Variants in FGF14 observed in about 807,000 individuals in gnomAD.
FGF14 encodes the protein fibroblast growth factor homologous factor 4.
FGF14 carries 5 observed loss-of-function variants against 25.5 expected under a neutral mutation model. The ratio of observed to expected loss-of-function variants is 0.20; its 90% confidence interval spans 0.10 to 0.41. The LOEUF (loss-of-function observed/expected upper bound fraction) is 0.41. FGF14 is among the 10% of genes least tolerant of loss of function. The pLI is 1.00. For missense variants in FGF14, 222 were observed against 320.1 expected, an observed-to-expected ratio of 0.69 and a Z score of 2.34; for synonymous variants, 138 against 118.3, an observed-to-expected ratio of 1.17 and a Z score of -1.08.
At chr13:102,032,083 T>C (rs1383355332) in intron 1 of FGF14, among the ~76,000 whole-genome samples, 1 of 152,156 alleles carries the variant, frequency 6.6e-6, no homozygotes, top group East Asian at 1.9e-4. Flanking sequence ...ATGAAGATAC[T>C]GATGACTGAC....
At chr13:101,907,744 A>G (rs1382182606) in intron 1 of FGF14, among the ~76,000 whole-genome samples, 1 of 152,148 alleles carries the variant, frequency 6.6e-6, no homozygotes, top group Non-Finnish European at 1.5e-5. Flanking sequence ...AGATGTTCTA[A>G]ATATTAGAGC....
chr13:102,130,371 C>T (rs1405039667), intron 1 of FGF14, among the ~76,000 whole-genome samples: 5 of 152,078 alleles, frequency 3.3e-5, no homozygotes, highest in Non-Finnish European at 7.4e-5. Flanking sequence ...TGGCTGGTGG[C>T]CCCTCCTCCA....
At chr13:102,169,193 C>T (rs962548364) in intron 1 of FGF14, among the ~76,000 whole-genome samples, 5 of 151,652 alleles carry the variant, frequency 3.3e-5, no homozygotes, top group Admixed American at 2.0e-4. Flanking sequence ...TTTATAGGCT[C>T]GGCTTTTCAC....
chr13:101,937,206 A>G (rs1188716354), intron 1 of FGF14, among the ~76,000 whole-genome samples: 2 of 152,238 alleles, frequency 1.3e-5, no homozygotes. Flanking sequence ...AATAATGAAC[A>G]TATCAGAATA....
intron 1 of FGF14, among the ~76,000 whole-genome samples, chr13:102,269,854 A>C (rs535988162): frequency 1.6e-4 from 24 of 152,282 alleles, no homozygotes; most frequent in African/African-American, 5.8e-4. Context: ...AAAAAAAATC[A>C]GAAACTAGTG....
At chr13:102,213,629 A>T (rs1314174253) in intron 1 of FGF14, among the ~76,000 whole-genome samples, 3 of 152,190 alleles carry the variant, frequency 2.0e-5, no homozygotes, top group Non-Finnish European at 2.9e-5. Flanking sequence ...GTTAACGAAA[A>T]AAGCAATAAA....
At chr13:101,847,982 G>A (rs1038277958) in intron 3 of FGF14, among the ~76,000 whole-genome samples, 1 of 151,998 alleles carries the variant, frequency 6.6e-6, no homozygotes. Context: ...AATGTGGTAG[G>A]AAAGCAGGTC....
intron 1 of FGF14, among the ~76,000 whole-genome samples, chr13:102,340,580 C>T (rs2056920704): frequency 6.6e-6 from 1 of 152,106 alleles, no homozygotes; most frequent in Non-Finnish European, 1.5e-5. Flanking sequence ...GCTCATCAGT[C>T]CTTTTGTCTA....
At chr13:101,795,251 C>A (rs1028838408) in intron 3 of FGF14, among the ~76,000 whole-genome samples, 2 of 151,962 alleles carry the variant, frequency 1.3e-5, no homozygotes, top group African/African-American at 4.8e-5. Context: ...CCAGATTTAA[C>A]CAGCAGTTAC....
At chr13:102,365,997 T>A (rs755812531) in intron 1 of FGF14, among the ~76,000 whole-genome samples, 1 of 152,216 alleles carries the variant, frequency 6.6e-6, no homozygotes, top group African/African-American at 2.4e-5. Context: ...TAAGCTAAGA[T>A]AGAAAGTTTA....
chr13:102,144,620 CTAGCT>C (rs1457202500), intron 1 of FGF14, among the ~76,000 whole-genome samples: 1 of 151,988 alleles, frequency 6.6e-6, no homozygotes, highest in East Asian at 1.9e-4. Context: ...TGTCATTCTC[CTAGCT>C]TATTTATGTA....
intron 1 of FGF14, among the ~76,000 whole-genome samples, chr13:102,177,938 T>A (rs1454395612): frequency 1.3e-5 from 2 of 152,042 alleles, no homozygotes; most frequent in Non-Finnish European, 2.9e-5. Flanking sequence ...AGCCATGATA[T>A]CAATTCATCA....
At chr13:102,043,866 G>A (rs142032426) in intron 1 of FGF14, among the ~76,000 whole-genome samples, 7 of 152,232 alleles carry the variant, frequency 4.6e-5, no homozygotes, top group East Asian at 1.9e-4. Context: ...CTATCAGTGC[G>A]GCTACCACAT....
At chr13:102,084,747 T>C (rs920677200) in intron 1 of FGF14, among the ~76,000 whole-genome samples, 1 of 152,218 alleles carries the variant, frequency 6.6e-6, no homozygotes, top group African/African-American at 2.4e-5. Flanking sequence ...TATTCCCTCA[T>C]GATCAGCACA....
At chr13:102,055,026 C>G (rs1195433220) in intron 1 of FGF14, among the ~76,000 whole-genome samples, 4 of 152,182 alleles carry the variant, frequency 2.6e-5, no homozygotes, top group Non-Finnish European at 5.9e-5. Context: ...ACTCTCCAGT[C>G]CCATGGAGAA....
intron 1 of FGF14, chr13:102,353,981 C>T: frequency 6.0e-6 from 1 of 166,212 alleles, no homozygotes; most frequent in Non-Finnish European, 1.3e-5. Flanking sequence ...TTTTGAAAGG[C>T]AAATGAATCT....
chr13:101,909,256 T>C (rs1217200069), intron 1 of FGF14, among the ~76,000 whole-genome samples: 2 of 152,054 alleles, frequency 1.3e-5, no homozygotes, highest in East Asian at 3.9e-4. Flanking sequence ...CTAATTAAAC[T>C]AAAGAGCTTC....
intron 3 of FGF14, among the ~76,000 whole-genome samples, chr13:101,799,971 G>T (rs1167621877): frequency 1.3e-5 from 2 of 152,082 alleles, no homozygotes; most frequent in Non-Finnish European, 2.9e-5. Context: ...CAAATGAATT[G>T]CCTTTTAAGT....
At chr13:102,130,314 C>T (rs2046139951) in intron 1 of FGF14, among the ~76,000 whole-genome samples, 1 of 152,176 alleles carries the variant, frequency 6.6e-6, no homozygotes, top group Non-Finnish European at 1.5e-5. Flanking sequence ...TCCAGGGAAG[C>T]TGGGTCTACC....
Sources: gnomAD v4.1 joint callset for allele counts (sites outside exome capture counted in the v4.1 genomes callset) on GRCh38, gnomAD v4.1.1 for gene constraint, MANE v1.5 for transcripts, NCBI Gene and HGNC (gene_info 2026-07-23, HGNC 2026-07-21) for gene names.